The following SGCZ variants were observed in gnomAD, a reference collection of about 807,000 sequenced individuals.
SGCZ encodes sarcoglycan zeta.
In SGCZ, 40 loss-of-function variants were observed where a neutral mutation model predicts 41.3. The ratio of observed to expected loss-of-function variants is 0.97; its 90% CI spans 0.75 to 1.26. SGCZ has a LOEUF of 1.26. SGCZ is among the 50% of genes most tolerant of loss of function. The probability of loss-of-function intolerance (pLI) is 0.00; values close to 1 mark genes in which losing one functional copy is unlikely to be tolerated. For synonymous variants in SGCZ, 206 were observed against 137.5 expected (o/e 1.50, Z -3.49); for missense variants, 552 against 369.8 (o/e 1.49, Z -4.04).
chr8:14,550,850 C>G (rs187361059), intron 2 of SGCZ, among the ~76,000 whole-genome samples: 1 of 151,976 alleles, frequency 6.6e-6, no homozygotes, highest in Admixed American at 6.6e-5. Flanking sequence ...AAAATGATCT[C>G]TTGTAATGTA....
chr8:14,104,861 A>C (rs912153712), intron 6 of SGCZ, among the ~76,000 whole-genome samples: 1 of 152,154 alleles, frequency 6.6e-6, no homozygotes, highest in African/African-American at 2.4e-5. Flanking sequence ...AAAGATGCCA[A>C]TTATATGATT....
At chr8:14,340,115 A>G (rs1019468137) in intron 2 of SGCZ, among the ~76,000 whole-genome samples, 3 of 152,120 alleles carry the variant, frequency 2.0e-5, no homozygotes, top group African/African-American at 7.2e-5. Flanking sequence ...TTTCCCTTTT[A>G]TCTTCACTGC....
At chr8:14,937,147 C>A (rs1011087173) in intron 1 of SGCZ, among the ~76,000 whole-genome samples, 4 of 151,650 alleles carry the variant, frequency 2.6e-5, no homozygotes, top group African/African-American at 9.7e-5. Flanking sequence ...TCTTTGGCAA[C>A]ATTGTTCAAC....
intron 1 of SGCZ, among the ~76,000 whole-genome samples, chr8:14,783,162 G>T (rs757421649): frequency 1.3e-5 from 2 of 152,098 alleles, no homozygotes; most frequent in African/African-American, 2.4e-5. Context: ...GGCCGGGCAC[G>T]GTGGCTCACG....
In SGCZ at chr8:14,636,048, G is replaced by A. The variant is rs192790072; in HGVS notation, c.40-81122C>T. Among the ~76,000 whole-genome samples, 34 of 151,644 alleles carry A rather than the reference G, an allele frequency of 2.2e-4. No homozygotes were observed. In the East Asian group the frequency reaches 5.7e-3, roughly 25 times the overall value. ...CCAAATTAGGCCTAATTATTTTGAC[G>A]AAACTAACCTAGTAAAGGGGCAATT... On this transcript the variant is annotated intron_variant, in intron 1 of 7. Transcript: ENST00000382080.
intron 2 of SGCZ, among the ~76,000 whole-genome samples, chr8:14,384,752 T>C (rs911525533): frequency 1.3e-5 from 2 of 152,144 alleles, no homozygotes; most frequent in African/African-American, 4.8e-5. Context: ...GGTTTTGCCA[T>C]GTTGGCCGGG....
chr8:14,374,784 G>A (rs1424216422), intron 2 of SGCZ, among the ~76,000 whole-genome samples: 1 of 152,106 alleles, frequency 6.6e-6, no homozygotes, highest in Non-Finnish European at 1.5e-5. Context: ...GTGTATGAAT[G>A]AACCATATAA....
At chr8:14,296,752 T>C (rs188235517) in intron 3 of SGCZ, among the ~76,000 whole-genome samples, 112 of 152,176 alleles carry the variant, frequency 7.4e-4, no homozygotes, top group Admixed American at 1.5e-3. Context: ...ACTAAGGCTA[T>C]TTACTTAATC....
intron 2 of SGCZ, among the ~76,000 whole-genome samples, chr8:14,375,099 C>CAGAT (rs906506808): frequency 3.4e-5 from 5 of 147,532 alleles, no homozygotes; most frequent in African/African-American, 5.1e-5. Flanking sequence ...GGGGGACAAT[C>CAGAT]AGATAGATAG....
chr8:14,806,635 C>G (rs529855069), intron 1 of SGCZ, among the ~76,000 whole-genome samples: 1 of 151,988 alleles, frequency 6.6e-6, no homozygotes, highest in East Asian at 1.9e-4. Flanking sequence ...GATTCACAGC[C>G]GAATTCTACC....
At chr8:14,422,685 A>G (rs1799667242) in intron 2 of SGCZ, among the ~76,000 whole-genome samples, 1 of 152,242 alleles carries the variant, frequency 6.6e-6, no homozygotes, top group Admixed American at 6.5e-5. Flanking sequence ...GGAGATGTAG[A>G]TGAGCTAGCA....
chr8:15,228,895 A>C (rs1324248742), intron 1 of SGCZ, among the ~76,000 whole-genome samples: 1 of 152,186 alleles, frequency 6.6e-6, no homozygotes, highest in East Asian at 1.9e-4. Flanking sequence ...GCTCTTGATA[A>C]ATTTTTGAAA....
At chr8:14,520,613 A>G (rs1022443783) in intron 2 of SGCZ, among the ~76,000 whole-genome samples, 1 of 152,104 alleles carries the variant, frequency 6.6e-6, no homozygotes, top group Non-Finnish European at 1.5e-5. Flanking sequence ...ACTTAACAAC[A>G]TGAATGAAGC....
At chr8:14,587,102 G>A (rs1585102705) in intron 1 of SGCZ, among the ~76,000 whole-genome samples, 1 of 151,062 alleles carries the variant, frequency 6.6e-6, no homozygotes, top group African/African-American at 2.4e-5. Flanking sequence ...CTAAAGTTAG[G>A]CATAAGCATT....
chr8:14,513,773 A>G (rs1036899485), intron 2 of SGCZ, among the ~76,000 whole-genome samples: 2 of 152,120 alleles, frequency 1.3e-5, no homozygotes, highest in African/African-American at 4.8e-5. Flanking sequence ...ATTTTAATTA[A>G]AATATGCACC....
intron 2 of SGCZ, among the ~76,000 whole-genome samples, chr8:14,364,668 C>T (rs1332440897): frequency 6.6e-6 from 1 of 152,014 alleles, no homozygotes; most frequent in East Asian, 1.9e-4. Flanking sequence ...TATATAAATT[C>T]CCTTTTTGTA....
In SGCZ at chr8:14,384,724, T is replaced by C. The variant is rs545968463; in HGVS notation, c.235-60520A>G. On this transcript the variant is annotated intron_variant, in intron 2 of 7. Transcript: ENST00000382080. ...ACAGGCATATGCCACCATACCCGGCTAATTTTTGTAGAGACGAGGTTTTGC... is the reference window on the plus strand; with the variant it reads ...ACAGGCATATGCCACCATACCCGGCCAATTTTTGTAGAGACGAGGTTTTGC... Among the ~76,000 whole-genome samples, 3 of 152,252 alleles carry C rather than the reference T, an allele frequency of 2.0e-5. No individual in the cohort carries two copies. In the South Asian group the frequency reaches 6.2e-4, roughly 32 times the overall value.
chr8:14,695,915 T>C (rs1166932762), intron 1 of SGCZ, among the ~76,000 whole-genome samples: 1 of 152,034 alleles, frequency 6.6e-6, no homozygotes, highest in African/African-American at 2.4e-5. Flanking sequence ...TTCAAATCTG[T>C]GCAACCAAGA....
chr8:14,200,344 A>G (rs893780487), intron 4 of SGCZ, among the ~76,000 whole-genome samples: 2 of 152,200 alleles, frequency 1.3e-5, no homozygotes, highest in African/African-American at 2.4e-5. Flanking sequence ...ATTTTTGTAG[A>G]GATTGAAAGA....
Sources: allele counts gnomAD v4.1 joint callset (sites outside exome capture counted in the v4.1 genomes callset), GRCh38; gene constraint gnomAD v4.1.1; transcripts MANE v1.5; gene names NCBI Gene and HGNC (gene_info 2026-07-23, HGNC 2026-07-21).